The following LPCAT1 variants were observed in gnomAD, a reference collection of about 807,000 sequenced individuals.
LPCAT1 encodes the protein 1-acylglycerol-3-phosphate O-acyltransferase.
Under a neutral mutation model 60.9 loss-of-function variants are expected in LPCAT1, and 23 were observed. The observed-to-expected ratio is 0.38, with a 90% CI of 0.27 to 0.53. The LOEUF is 0.53. Ranked by LOEUF, LPCAT1 falls within the 20% of genes least tolerant of loss-of-function variation. LPCAT1 has a pLI of 0.82. For missense variants in LPCAT1, 622 were observed against 723.6 expected (o/e 0.86, Z 1.61); for synonymous variants, 340 against 301.1 (o/e 1.13, Z -1.34).
rs1490491826 is a variant in LPCAT1 at position 1,490,860 on chromosome 5, A to G, written c.494-1002T>C. Among the ~76,000 whole-genome samples the G allele has an allele frequency of 3.3e-5, 5 of 152,206 alleles. No individual in the cohort carries two copies. In the East Asian group the frequency reaches 7.7e-4, roughly 24 times the overall value. ...AGCTTCCTTTTTGAGGACGGTGAGC[A>G]GGATCCACACTCGGCGCCCCCCAGG... is the stretch of plus-strand genomic sequence containing the variant. On this transcript the variant is annotated intron_variant, in intron 3 of 13. Transcript: ENST00000283415.
At position 1,500,053 on chromosome 5, in the gene LPCAT1, C is replaced by T. The variant is rs116787337; in HGVS notation, c.278+1408G>A. ...GTCCCAACCACTTGGCCCGGTTCCC[C>T]ACCAATGCAGCCCTGAACATCACGC... On this transcript the variant is annotated intron_variant, in intron 2 of 13. Coordinates refer to ENST00000283415, the MANE Select transcript of LPCAT1 (RefSeq NM_024830.5). Among the ~76,000 whole-genome samples the T allele has an allele frequency of 6.0e-3, 910 of 152,386 alleles. 12 individuals carry two copies. Among genetic ancestry groups the T allele is most frequent in the African/African-American group, 0.021 (876 of 41,594 alleles).
rs1735776205 is a variant in LPCAT1, at chr5:1,496,023, C to T, written c.279-1109G>A. Among the ~76,000 whole-genome samples, 1 of 152,182 alleles carries T rather than the reference C, an allele frequency of 6.6e-6. No individual in the cohort carries two copies. The highest frequency in any genetic ancestry group is 2.1e-4 in the South Asian group (1 of 4,836). ...CTTGTCTAGAGGAGGGGGGATTACA[C>T]AGGTGTGCACTTCTTCACCACCTGT... On this transcript the variant is annotated intron_variant, in intron 2 of 13. Transcript: ENST00000283415. This position sits in a 1 kb window ranked among gnomAD's most constrained non-coding sequence, Gnocchi z 4.7.
At position 1,502,556 on chromosome 5, in the gene LPCAT1, C is replaced by T. The variant is rs1456045475; in HGVS notation, c.136-953G>A. 6.6e-6 allele frequency among the ~76,000 whole-genome samples: 1 copy of T among 152,174 alleles called. No homozygotes were observed. The highest frequency in any genetic ancestry group is 1.5e-5 in the Non-Finnish European group (1 of 68,034). ...CCCAAGCCAGGGCAGGCCCCCACGC[C>T]AGGGAAGGCCGAGGCTGCGGGATCC... On this transcript the variant is annotated intron_variant, in intron 1 of 13. Transcript: ENST00000283415. This position sits in a 1 kb window ranked among gnomAD's most constrained non-coding sequence, Gnocchi z 5.5.
chr5:1,507,692 G>A lies in LPCAT1; in HGVS notation c.136-6089C>T, dbSNP rs986600072. On this transcript the variant is annotated intron_variant, in intron 1 of 13. Coordinates refer to ENST00000283415, the MANE Select transcript of LPCAT1 (RefSeq NM_024830.5). The stretch of plus-strand genomic sequence containing the variant: ...GCCCAAATCAAGGAAGCTGGCAGAG[G>A]CTCATGTCCTGAGGGCTGGCTCGAG... Among the ~76,000 whole-genome samples the A allele has an allele frequency of 9.2e-5, 14 of 152,324 alleles. No homozygotes were observed. The East Asian group carries it at 2.7e-3, about 29-fold the overall frequency.
intron 1 of LPCAT1, among the ~76,000 whole-genome samples, chr5:1,507,649 T>C (rs1736228641): frequency 6.6e-6 from 1 of 152,096 alleles, no homozygotes; most frequent in Non-Finnish European, 1.5e-5. Context: ...ACGCCTGCAG[T>C]CCCAGGAGCA....
intron 1 of LPCAT1, among the ~76,000 whole-genome samples, chr5:1,505,560 CGGGTA>C (rs10556744): frequency 0.7 from 102,200 of 146,036 alleles, 35,005 homozygotes; most frequent in African/African-American, 0.83. Context: ...GCCTGCATGC[CGGGTA>C]GGGTAGTCAG....
chr5:1,489,964 C>T (rs1389197213), intron 3 of LPCAT1, 106 bp from the exon 4 acceptor site: 1 of 794,326 alleles, frequency 1.3e-6, no homozygotes. Flanking sequence ...GCGGGAGACT[C>T]CAGATGCCCC....
chr5:1,487,191 T>G lies in LPCAT1; in HGVS notation c.667+1200A>C, dbSNP rs1160856807. 2.0e-5 allele frequency among the ~76,000 whole-genome samples: 3 copies of G among 152,202 alleles called. No homozygotes were observed. Among genetic ancestry groups the G allele is most frequent in the Non-Finnish European group, 4.4e-5 (3 of 68,018 alleles). Reference sequence around the variant, plus strand: ...GACCTGACGTACTTGCCAGCTGTCTTCTGCCTGGGGCCTTGGAAACACGGC... The same window carrying G: ...GACCTGACGTACTTGCCAGCTGTCTGCTGCCTGGGGCCTTGGAAACACGGC... On this transcript the variant is annotated intron_variant, in intron 5 of 13. Coordinates refer to ENST00000283415, the MANE Select transcript of LPCAT1 (RefSeq NM_024830.5). The surrounding 1 kb of genome is among the most constrained non-coding windows in gnomAD (Gnocchi z 6.1).
rs1219864896 is a variant in LPCAT1 at position 1,523,575 on chromosome 5, G to C, written c.135+135C>G. 2.0e-6 allele frequency: 1 copy of C among 512,580 alleles called. No individual in the cohort carries two copies. Among genetic ancestry groups the C allele is most frequent in the African/African-American group, 2.1e-5 (1 of 47,776 alleles). 31.8% of individuals were successfully genotyped at this position (512,580 alleles called of 1,614,324 possible). ...GCGAACTGAGGGGCGGCCGCGGGGAGGGAAGGCGCCGCGGCTCGCAGGGCC... is the reference window on the plus strand; with the variant it reads ...GCGAACTGAGGGGCGGCCGCGGGGACGGAAGGCGCCGCGGCTCGCAGGGCC... On this transcript the variant is annotated intron_variant, in intron 1 of 13. Transcript: ENST00000283415. The surrounding 1 kb of genome is among the most constrained non-coding windows in gnomAD (Gnocchi z 7.1).
At chr5:1,466,698 T>C (rs2277007) in intron 13 of LPCAT1, 51 bp downstream of exon 13, 1,137,603 of 1,566,642 alleles carry the variant, frequency 0.73, 414,798 homozygotes, top group South Asian at 0.85. Context: ...CCACACTCTG[T>C]CCAGCCCCCG....
intron 3 of LPCAT1, among the ~76,000 whole-genome samples, chr5:1,493,285 C>T (rs962324656): frequency 2.6e-5 from 4 of 152,224 alleles, no homozygotes; most frequent in East Asian, 1.9e-4. Flanking sequence ...GGACACCTTC[C>T]GGCTGCTGCA....
intron 1 of LPCAT1, among the ~76,000 whole-genome samples, chr5:1,503,077 C>T (rs1736074601): frequency 6.6e-6 from 1 of 152,196 alleles, no homozygotes; most frequent in Non-Finnish European, 1.5e-5. Context: ...CCTGTGTCTC[C>T]ACCCTGTCAG....
chr5:1,520,099 C>T (rs890385379), intron 1 of LPCAT1, among the ~76,000 whole-genome samples: 3 of 152,222 alleles, frequency 2.0e-5, no homozygotes, highest in Non-Finnish European at 2.9e-5. Flanking sequence ...CCCCCATCCC[C>T]GTGCATGTGT....
intron 9 of LPCAT1, among the ~76,000 whole-genome samples, 195 bp from the exon 10 acceptor site, chr5:1,474,880 C>T (rs976335934): frequency 2.6e-5 from 4 of 152,254 alleles, no homozygotes; most frequent in African/African-American, 4.8e-5. Flanking sequence ...GAAACGATGA[C>T]GGCAGCCACA....
chr5:1,489,948 A>G (rs1318071843), intron 3 of LPCAT1, 90 bp from the exon 4 acceptor site: 1 of 933,354 alleles, frequency 1.1e-6, no homozygotes, highest in African/African-American at 1.6e-5. Flanking sequence ...CATGGCGCCC[A>G]GTGGGGCGGG....
intron 13 of LPCAT1, 90 bp downstream of exon 13, chr5:1,466,659 C>G: frequency 7.1e-7 from 1 of 1,409,636 alleles, no homozygotes; most frequent in Non-Finnish European, 9.5e-7. Context: ...GGACTCCACT[C>G]CTGTCCTGGG....
chr5:1,474,304 CCT>C (rs1191742228), intron 10 of LPCAT1, among the ~76,000 whole-genome samples, 194 bp from the exon 11 acceptor site: 1 of 152,192 alleles, frequency 6.6e-6, no homozygotes, highest in Non-Finnish European at 1.5e-5. Flanking sequence ...TGCCTGTGCC[CCT>C]GAGACCCGTT....
In LPCAT1 at chr5:1,480,147, A is replaced by C. The variant is rs1035138538; in HGVS notation, c.762-472T>G. ...TCCCAGGGCCACACTCACGCCTCCG[A>C]CAGCCCAGTGCCCCAACCCTCTTTC... is the stretch of plus-strand genomic sequence containing the variant. On this transcript the variant is annotated intron_variant, in intron 7 of 13. Coordinates refer to ENST00000283415, the MANE Select transcript of LPCAT1 (RefSeq NM_024830.5). The surrounding 1 kb of genome is among the most constrained non-coding windows in gnomAD (Gnocchi z 6.4). 11 of 164,052 alleles carry C rather than the reference A, an allele frequency of 6.7e-5. No individual in the cohort carries two copies. The highest frequency in any genetic ancestry group is 2.4e-4 in the African/African-American group (10 of 41,410). The allele number at this position is 164,052 out of a possible 1,614,324, so 10.2% of individuals were successfully genotyped here. A position where few individuals can be genotyped will look rare whatever the true frequency, so the allele number is the denominator to read the frequency against.
rs192010068 is a variant in LPCAT1 at position 1,496,159 on chromosome 5, A to G, written c.279-1245T>C. 1.3e-5 allele frequency among the ~76,000 whole-genome samples: 2 copies of G among 152,260 alleles called. No homozygotes were observed. The highest frequency in any genetic ancestry group is 2.9e-5 in the Non-Finnish European group (2 of 68,028). ...GTGGATCACTTGAGGTCAGGAGCTC[A>G]AGACCAGCCTGGCCAACATGGTGAA... On this transcript the variant is annotated intron_variant, in intron 2 of 13. Transcript: ENST00000283415. The surrounding 1 kb of genome is among the most constrained non-coding windows in gnomAD (Gnocchi z 4.7).
Sources: gnomAD v4.1 joint callset for allele counts (sites outside exome capture counted in the v4.1 genomes callset) on GRCh38, gnomAD v4.1.1 for gene constraint, Gnocchi (gnomAD v3.1) non-coding constraint, MANE v1.5 for transcripts, NCBI Gene and HGNC (gene_info 2026-07-23, HGNC 2026-07-21) for gene names.